The following EFCAB5 variants were observed in gnomAD, a reference collection of about 807,000 sequenced individuals.
The protein encoded by EFCAB5 is EF-hand calcium-binding domain-containing protein 5.
EFCAB5 carries 131 observed loss-of-function variants against 167.9 expected under a neutral mutation model. The ratio of observed to expected loss-of-function variants is 0.78; its 90% CI spans 0.68 to 0.90. The LOEUF is 0.90. Ranked by LOEUF, EFCAB5 falls within the 40% of genes least tolerant of loss-of-function variation. The pLI is 0.00. For missense variants in EFCAB5, 1,663 were observed against 1,745.2 expected, an observed-to-expected ratio of 0.95 and a Z score of 0.84; for synonymous variants, 574 against 602.8, an observed-to-expected ratio of 0.95 and a Z score of 0.70.
At chr17:29,955,244 G>A (rs2067590383) in intron 3 of EFCAB5, among the ~76,000 whole-genome samples, 1 of 152,134 alleles carries the variant, frequency 6.6e-6, no homozygotes, top group African/African-American at 2.4e-5. Context: ...GGGGCAGAAT[G>A]ATATGGTTTG....
At chr17:29,951,483 G>A (rs1021499024) in intron 3 of EFCAB5, among the ~76,000 whole-genome samples, 1 of 151,130 alleles carries the variant, frequency 6.6e-6, no homozygotes, top group Non-Finnish European at 1.5e-5. Context: ...GACCACAGGT[G>A]CCCGCCACCA....
At chr17:30,106,775 G>A (rs1413561339) in intron 22 of EFCAB5, among the ~76,000 whole-genome samples, 1 of 152,030 alleles carries the variant, frequency 6.6e-6, no homozygotes, top group Non-Finnish European at 1.5e-5. Context: ...ATATTTTTGA[G>A]CAACTACTCT....
chr17:29,947,097 C>T (rs903118008), intron 3 of EFCAB5, among the ~76,000 whole-genome samples: 3 of 151,410 alleles, frequency 2.0e-5, no homozygotes, highest in African/African-American at 7.3e-5. Flanking sequence ...TTGCTTGAAC[C>T]CAGGAGGCAG....
At chr17:30,075,839 T>G (rs2070857868) in intron 14 of EFCAB5, among the ~76,000 whole-genome samples, 1 of 152,204 alleles carries the variant, frequency 6.6e-6, no homozygotes, top group Admixed American at 6.5e-5. Flanking sequence ...TACCTTGCTC[T>G]GCCCCACCTA....
At chr17:30,014,704 G>A (rs1477530235) in intron 7 of EFCAB5, among the ~76,000 whole-genome samples, 1 of 152,122 alleles carries the variant, frequency 6.6e-6, no homozygotes, top group Non-Finnish European at 1.5e-5. Context: ...CTCTGCACGT[G>A]AGATGGGTCT....
At chr17:30,079,057 G>T (rs1255304278) in intron 15 of EFCAB5, among the ~76,000 whole-genome samples, 1 of 152,186 alleles carries the variant, frequency 6.6e-6, no homozygotes, top group African/African-American at 2.4e-5. Context: ...AGACTCCCAG[G>T]TTGCTGCTAT....
In EFCAB5 at chr17:30,012,672, G is replaced by A. The variant is rs374758407; in HGVS notation, c.1044+12696G>A. Among the ~76,000 whole-genome samples the A allele has an allele frequency of 2.3e-3, 346 of 152,234 alleles. 2 individuals are homozygous for A. The highest frequency in any genetic ancestry group is 7.8e-3 in the African/African-American group (322 of 41,546). ...CGCGACTTGGTGGTAGTGGTCCCCC[G>A]GGCCCAGTTGTCTTTTCTTTTATCT... On this transcript the variant is annotated intron_variant, in intron 7 of 22. Coordinates refer to ENST00000394835, the MANE Select transcript of EFCAB5 (RefSeq NM_198529.4).
chr17:29,943,680 G>A (rs1411533658), intron 3 of EFCAB5, 31 bp downstream of exon 3: 14 of 1,542,132 alleles, frequency 9.1e-6, no homozygotes, highest in Non-Finnish European at 1.1e-5. Context: ...TTATACAATA[G>A]AATCTAAAAC....
At chr17:30,061,786 T>G (rs2070432932) in intron 14 of EFCAB5, among the ~76,000 whole-genome samples, 2 of 152,170 alleles carry the variant, frequency 1.3e-5, no homozygotes, top group Admixed American at 6.5e-5. Context: ...CAGGCTAGTC[T>G]TGAAGTCCTG....
At chr17:30,032,208 G>A (rs1567727231) in intron 7 of EFCAB5, among the ~76,000 whole-genome samples, 1 of 152,098 alleles carries the variant, frequency 6.6e-6, no homozygotes, top group African/African-American at 2.4e-5. Flanking sequence ...TATGAAATGT[G>A]CACAATCCAA....
At chr17:29,961,979 T>C (rs774101846) in intron 3 of EFCAB5, among the ~76,000 whole-genome samples, 1 of 152,256 alleles carries the variant, frequency 6.6e-6, no homozygotes, top group Non-Finnish European at 1.5e-5. Context: ...TTGACACCCT[T>C]GTCACAAATC....
chr17:29,935,252 A>C (rs2067235440), intron 1 of EFCAB5, among the ~76,000 whole-genome samples: 1 of 152,228 alleles, frequency 6.6e-6, no homozygotes, highest in Admixed American at 6.5e-5. Flanking sequence ...GTGTCCTGAC[A>C]GGAGACAGAA....
intron 3 of EFCAB5, among the ~76,000 whole-genome samples, chr17:29,960,353 A>G (rs1285936387): frequency 1.3e-5 from 2 of 152,140 alleles, no homozygotes; most frequent in South Asian, 2.1e-4. Context: ...TAGTGGTTCA[A>G]TGTGGTGTTC....
intron 19 of EFCAB5, among the ~76,000 whole-genome samples, chr17:30,089,263 A>G (rs1425475383): frequency 3.3e-5 from 5 of 152,116 alleles, no homozygotes; most frequent in Non-Finnish European, 1.5e-5. Flanking sequence ...CTCTATTGTT[A>G]TTCCTGGAAA....
chr17:29,984,085 G>C (rs969968033), intron 4 of EFCAB5, among the ~76,000 whole-genome samples: 1 of 151,884 alleles, frequency 6.6e-6, no homozygotes, highest in Admixed American at 6.6e-5. Flanking sequence ...TCCATAGTAG[G>C]TGCCGAATAA....
chr17:30,080,887 C>T lies in EFCAB5; in HGVS notation c.3332C>T (p.Ala1111Val). ...TTCCTGGCTCTGCCTCTTCAAGATG[C>T]ATATATGAGGATCTTTGGGGTCTTG... ...GSFLALPLQDAYMRIFGVLAV... is the reference protein window; with the variant it reads ...GSFLALPLQDVYMRIFGVLAV... The change falls in exon 17 of 23, where the codon GCA becomes GTA. Residue 1111 changes from alanine to valine, a missense_variant. Coordinates refer to ENST00000394835, the MANE Select transcript of EFCAB5 (RefSeq NM_198529.4). 1.9e-6 allele frequency: 3 copies of T among 1,613,814 alleles called. No homozygotes were observed. The South Asian group carries it at 3.3e-5, about 18-fold the overall frequency.
intron 7 of EFCAB5, among the ~76,000 whole-genome samples, chr17:30,018,232 A>T (rs1316120148): frequency 1.3e-5 from 2 of 152,026 alleles, no homozygotes; most frequent in South Asian, 4.1e-4. Flanking sequence ...AGTTCAAAAA[A>T]TATTTTATTG....
intron 4 of EFCAB5, among the ~76,000 whole-genome samples, chr17:29,972,314 G>T (rs1045762805): frequency 6.6e-6 from 1 of 151,438 alleles, no homozygotes; most frequent in African/African-American, 2.4e-5. Context: ...TTCCCAAAGT[G>T]CTGGTATTAC....
At chr17:29,960,050 T>G (rs2067690127) in intron 3 of EFCAB5, among the ~76,000 whole-genome samples, 1 of 152,186 alleles carries the variant, frequency 6.6e-6, no homozygotes, top group Non-Finnish European at 1.5e-5. Flanking sequence ...CTGGTCTAAA[T>G]GCTCCCTCTG....
Sources: allele counts gnomAD v4.1 joint callset (sites outside exome capture counted in the v4.1 genomes callset), GRCh38; gene constraint gnomAD v4.1.1; transcripts MANE v1.5; gene names NCBI Gene and HGNC (gene_info 2026-07-23, HGNC 2026-07-21).